Variants in IQGAP1 observed in about 807,000 individuals in gnomAD.
The protein encoded by IQGAP1 is ras GTPase-activating-like protein IQGAP1.
IQGAP1 carries 66 observed loss-of-function variants against 215.6 expected under a neutral mutation model. The ratio of observed to expected loss-of-function variants is 0.31; its 90% CI spans 0.25 to 0.38. The LOEUF (loss-of-function observed/expected upper bound fraction) is 0.38. Ranked by LOEUF, IQGAP1 falls within the 10% of genes least tolerant of loss-of-function variation. The pLI is 1.00. For missense variants in IQGAP1, 1,712 were observed against 1,997.1 expected, an observed-to-expected ratio of 0.86 and a Z score of 2.72; for synonymous variants, 772 against 728.7, an observed-to-expected ratio of 1.06 and a Z score of -0.96.
chr15:90,418,468 G>A (rs1369808776), intron 2 of IQGAP1, among the ~76,000 whole-genome samples: 1 of 151,784 alleles, frequency 6.6e-6, no homozygotes, highest in African/African-American at 2.4e-5. Context: ...CACACCTGTG[G>A]TCCCAGCTAC....
In IQGAP1 at chr15:90,429,606, T is replaced by C. The variant is rs1596262452; in HGVS notation, c.330T>C (p.Phe110=). 6.2e-7 allele frequency: 1 copy of C among 1,606,306 alleles called. No individual in the cohort carries two copies. The highest frequency in any genetic ancestry group is 8.5e-7 in the Non-Finnish European group (1 of 1,177,796). Residue 110 remains phenylalanine (F), a synonymous_variant, in exon 4 of 38, where the codon TTT becomes TTC. Coordinates refer to ENST00000268182, the MANE Select transcript of IQGAP1 (RefSeq NM_003870.4). The part of the protein sequence containing the change: ...QTRYKATGLH[F]RHTDNVIQWL... ...TTTTCTAGGCGACTGGCCTCCACTT[T>C]AGACACACTGATAATGTGATTCAGT...
intron 2 of IQGAP1, chr15:90,393,791 G>A (rs1257337057): frequency 6.6e-6 from 1 of 152,108 alleles, no homozygotes; most frequent in Admixed American, 6.5e-5. Context: ...AGACCACCCA[G>A]CAGGCATGAT....
Position 90,496,306 on chromosome 15 carries a change from C to CTTTT in IQGAP1, c.4752-900_4752-897dup, listed in dbSNP as rs552222380. 9.2e-4 allele frequency among the ~76,000 whole-genome samples: 98 copies of CTTTT among 106,112 alleles called. 5 individuals carry two copies. The highest frequency in any genetic ancestry group is 2.3e-3 in the African/African-American group (52 of 22,580). The allele number at this position is 106,112 out of a possible 152,430, so 69.6% of individuals were successfully genotyped here. A position where few individuals can be genotyped will look rare whatever the true frequency, so the allele number is the denominator to read the frequency against. On this transcript the variant is annotated intron_variant, in intron 36 of 37. Coordinates refer to ENST00000268182, the MANE Select transcript of IQGAP1 (RefSeq NM_003870.4). ...GATCATCCAGAGAACAGCATAATCC[C>CTTTT]TTTTTTTTTTTTTTTTTTTTTTTTT...
chr15:90,430,920 TATAG>T (rs1008905757), intron 4 of IQGAP1, among the ~76,000 whole-genome samples: 18 of 148,308 alleles, frequency 1.2e-4, no homozygotes, highest in African/African-American at 3.2e-4. Context: ...ATGTATATTA[TATAG>T]ATAAATATAT....
intron 35 of IQGAP1, among the ~76,000 whole-genome samples, chr15:90,493,679 C>T (rs990437837): frequency 7.2e-5 from 11 of 152,118 alleles, no homozygotes; most frequent in African/African-American, 2.7e-4. Flanking sequence ...CTTGCATGTC[C>T]TCTGTTTCTC....
intron 37 of IQGAP1, 43 bp downstream of exon 37, chr15:90,497,383 T>A: frequency 3.1e-6 from 3 of 954,778 alleles, no homozygotes; most frequent in African/African-American, 1.6e-5. Flanking sequence ...CTGGATGAGA[T>A]TCTTGTCCAA....
chr15:90,473,158 C>A (rs1339906845), intron 19 of IQGAP1, 148 bp downstream of exon 19: 1 of 702,218 alleles, frequency 1.4e-6, no homozygotes, highest in Non-Finnish European at 2.4e-6. Flanking sequence ...CTCCTCTTTA[C>A]TACCATTTAA....
intron 15 of IQGAP1, among the ~76,000 whole-genome samples, chr15:90,459,600 C>T (rs892217593): frequency 2.0e-5 from 3 of 152,260 alleles, no homozygotes; most frequent in Non-Finnish European, 4.4e-5. Context: ...CGGAGGAAGT[C>T]GGGGGAGTTA....
chr15:90,392,097 G>C (rs1964643887), intron 2 of IQGAP1, among the ~76,000 whole-genome samples: 1 of 149,614 alleles, frequency 6.7e-6, no homozygotes, highest in African/African-American at 2.4e-5. Context: ...AACCAACATC[G>C]CTACATTTAA....
At chr15:90,426,953 CAAAAA>C (rs56984277) in intron 3 of IQGAP1, among the ~76,000 whole-genome samples, 1 of 93,890 alleles carries the variant, frequency 1.1e-5, no homozygotes, top group African/African-American at 3.7e-5. Flanking sequence ...GACTCCATCT[CAAAAA>C]AAAAAAAAAA....
intron 36 of IQGAP1, among the ~76,000 whole-genome samples, chr15:90,495,383 GAAAA>G (rs78637051): frequency 6.6e-6 from 1 of 150,782 alleles, no homozygotes; most frequent in Non-Finnish European, 1.5e-5. Context: ...TTTAGGGGGG[GAAAA>G]AAAACAACTT....
At chr15:90,413,157 A>G (rs755405983) in intron 2 of IQGAP1, among the ~76,000 whole-genome samples, 2 of 152,094 alleles carry the variant, frequency 1.3e-5, no homozygotes, top group Non-Finnish European at 2.9e-5. Context: ...GACAGGTATT[A>G]TGTAAATCAT....
chr15:90,407,499 G>A (rs1964896140), intron 2 of IQGAP1, among the ~76,000 whole-genome samples: 1 of 152,146 alleles, frequency 6.6e-6, no homozygotes, highest in South Asian at 2.1e-4. Context: ...TAGGAGGATA[G>A]TTTCTTATAT....
intron 25 of IQGAP1, 54 bp downstream of exon 25, chr15:90,477,284 C>G: frequency 7.0e-7 from 1 of 1,429,528 alleles, no homozygotes; most frequent in Non-Finnish European, 9.6e-7. Flanking sequence ...AGAGGGGCTC[C>G]CAGTTTGAGA....
chr15:90,406,462 C>T (rs1461281670), intron 2 of IQGAP1, among the ~76,000 whole-genome samples: 3 of 152,182 alleles, frequency 2.0e-5, no homozygotes, highest in African/African-American at 2.4e-5. Flanking sequence ...CGTGCCCGGC[C>T]GGGGTTTGTT....
chr15:90,424,181 C>T (rs1475596034), intron 2 of IQGAP1, among the ~76,000 whole-genome samples: 17 of 152,080 alleles, frequency 1.1e-4, no homozygotes, highest in Admixed American at 1.1e-3. Flanking sequence ...TATCAACATC[C>T]TTTTTAGCAG....
intron 15 of IQGAP1, among the ~76,000 whole-genome samples, chr15:90,461,724 G>GT (rs1965764174): frequency 6.6e-6 from 1 of 152,146 alleles, no homozygotes; most frequent in Non-Finnish European, 1.5e-5. Context: ...CTACTCAGGA[G>GT]GCTGAGGCAG....
chr15:90,466,609 C>A (rs1048448769), intron 17 of IQGAP1, among the ~76,000 whole-genome samples, 173 bp downstream of exon 17: 13 of 150,760 alleles, frequency 8.6e-5, no homozygotes, highest in African/African-American at 1.2e-4. Context: ...TCCTTCCCCC[C>A]CCCCTTGTGG....
At chr15:90,455,754 G>A (rs1047927135) in intron 14 of IQGAP1, among the ~76,000 whole-genome samples, 10 of 151,570 alleles carry the variant, frequency 6.6e-5, no homozygotes, top group Non-Finnish European at 1.5e-4. Context: ...TTCTATAAAA[G>A]TGTTGAATTA....
Sources: gnomAD v4.1 joint callset for allele counts (sites outside exome capture counted in the v4.1 genomes callset) on GRCh38, gnomAD v4.1.1 for gene constraint, MANE v1.5 for transcripts, NCBI Gene and HGNC (gene_info 2026-07-23, HGNC 2026-07-21) for gene names.